The following TENM3 variants were observed in gnomAD, a reference collection of about 807,000 sequenced individuals.
TENM3 encodes the protein teneurin-3.
A neutral mutation model predicts 255.1 loss-of-function variants in TENM3; 63 were observed. The observed-to-expected ratio is 0.25, with a 90% CI of 0.20 to 0.30. The LOEUF is 0.30. Among genes scored for constraint, TENM3 ranks in the 10% least tolerant of loss-of-function variants. The pLI is 1.00. For synonymous variants in TENM3, 1,306 were observed against 1,322.3 expected, an observed-to-expected ratio of 0.99 and a Z score of 0.27; for missense variants, 2,929 against 3,461.1, an observed-to-expected ratio of 0.85 and a Z score of 3.86.
chr4:182,252,967 G>T (rs768395972), intron 1 of TENM3, among the ~76,000 whole-genome samples: 1 of 152,182 alleles, frequency 6.6e-6, no homozygotes. Flanking sequence ...AGGCCTCTCT[G>T]TATCAAAGGC....
intron 3 of TENM3, among the ~76,000 whole-genome samples, chr4:182,504,087 T>C (rs932452422): frequency 6.6e-6 from 1 of 152,118 alleles, no homozygotes. Flanking sequence ...GAGATGTTGG[T>C]TTTTGTTTAT....
the TENM3 span, among the ~76,000 whole-genome samples, chr4:181,946,743 T>A: frequency 3.3e-5 from 5 of 152,150 alleles, no homozygotes; most frequent in Non-Finnish European, 7.3e-5. Context: ...TCTAAATGAA[T>A]CATATTTTAT....
intron 1 of TENM3, among the ~76,000 whole-genome samples, chr4:182,315,349 A>C (rs751426733): frequency 1.8e-4 from 28 of 152,004 alleles, no homozygotes; most frequent in Non-Finnish European, 3.2e-4. Flanking sequence ...ATGTCCAAAA[A>C]GGTATTTATT....
chr4:181,804,849 G>A, the TENM3 span, among the ~76,000 whole-genome samples: 1 of 151,990 alleles, frequency 6.6e-6, no homozygotes, highest in South Asian at 2.1e-4. Context: ...TGTCTTTCTG[G>A]AGGAAAAAAA....
At chr4:182,559,095 C>CTTCT (rs1394084814) in intron 3 of TENM3, among the ~76,000 whole-genome samples, 1 of 130,470 alleles carries the variant, frequency 7.7e-6, no homozygotes, top group Non-Finnish European at 1.7e-5. Context: ...TTTCTGTTTT[C>CTTCT]TTCTTTCTTT....
chr4:182,033,997 A>G, the TENM3 span, among the ~76,000 whole-genome samples: 2 of 152,122 alleles, frequency 1.3e-5, no homozygotes, highest in Admixed American at 6.5e-5. Context: ...CAGACTGGGT[A>G]ATGTTTAAAG....
At chr4:181,752,711 C>A in the TENM3 span, among the ~76,000 whole-genome samples, 1 of 151,598 alleles carries the variant, frequency 6.6e-6, no homozygotes, top group African/African-American at 2.4e-5. Context: ...GCAGACAGCA[C>A]AGAACAGAAA....
At chr4:182,738,578 A>G in intron 18 of TENM3, 34 bp downstream of exon 18, 2 of 1,564,106 alleles carry the variant, frequency 1.3e-6, no homozygotes, top group Non-Finnish European at 1.7e-6. Context: ...TGATGTTGTA[A>G]TGTATTGTTC....
chr4:182,591,151 ATTCTAGGTGT>A (rs1746601437), intron 3 of TENM3, among the ~76,000 whole-genome samples: 1 of 152,140 alleles, frequency 6.6e-6, no homozygotes, highest in Non-Finnish European at 1.5e-5. Flanking sequence ...TAACCCAACA[ATTCTAGGTGT>A]TTTATATAGC....
At chr4:181,679,111 A>AGTCTT in the TENM3 span, among the ~76,000 whole-genome samples, 1 of 152,116 alleles carries the variant, frequency 6.6e-6, no homozygotes, top group East Asian at 1.9e-4. Flanking sequence ...ACAAAAGCTG[A>AGTCTT]GTCTTGGCCA....
chr4:182,123,491 T>A, the TENM3 span, among the ~76,000 whole-genome samples: 1 of 152,078 alleles, frequency 6.6e-6, no homozygotes, highest in African/African-American at 2.4e-5. Context: ...CTAAAGACAA[T>A]ATTCTTGTCT....
chr4:181,868,581 A>C, the TENM3 span, among the ~76,000 whole-genome samples: 1 of 152,198 alleles, frequency 6.6e-6, no homozygotes, highest in African/African-American at 2.4e-5. Flanking sequence ...TTAATAAATT[A>C]CAACTTGCCC....
chr4:181,802,373 G>A, the TENM3 span, among the ~76,000 whole-genome samples: 6 of 152,164 alleles, frequency 3.9e-5, no homozygotes, highest in Admixed American at 6.5e-5. Flanking sequence ...AATGGAATCC[G>A]CTGTAGCCCA....
At chr4:182,699,330 G>A (rs754642676) in intron 12 of TENM3, among the ~76,000 whole-genome samples, 1 of 152,200 alleles carries the variant, frequency 6.6e-6, no homozygotes, top group Non-Finnish European at 1.5e-5. Flanking sequence ...TTTTTGATAA[G>A]TTAGATGTCA....
chr4:181,866,772 C>T, the TENM3 span, among the ~76,000 whole-genome samples: 9 of 152,288 alleles, frequency 5.9e-5, no homozygotes, highest in South Asian at 1.9e-3. Context: ...TGAACACAGC[C>T]TCCTCCATAA....
At chr4:182,750,662 CAAATA>C (rs1170392347) in intron 19 of TENM3, among the ~76,000 whole-genome samples, 70 of 151,982 alleles carry the variant, frequency 4.6e-4, no homozygotes, top group South Asian at 8.3e-4. Flanking sequence ...TAGATGTTCA[CAAATA>C]AAATAAATGG....
At chr4:181,948,706 G>A in the TENM3 span, among the ~76,000 whole-genome samples, 5 of 152,102 alleles carry the variant, frequency 3.3e-5, no homozygotes, top group East Asian at 5.8e-4. Flanking sequence ...GTGAGCCACC[G>A]CGCCTGGCCG....
chr4:181,582,753 G>C, the TENM3 span, among the ~76,000 whole-genome samples: 1 of 151,964 alleles, frequency 6.6e-6, no homozygotes, highest in Non-Finnish European at 1.5e-5. Flanking sequence ...TAGCAGCCCA[G>C]GGTCATGGAG....
chr4:181,791,101 T>C, the TENM3 span, among the ~76,000 whole-genome samples: 1 of 152,142 alleles, frequency 6.6e-6, no homozygotes, highest in Admixed American at 6.6e-5. Flanking sequence ...GGAGTCAAAC[T>C]GGAATGAGCT....
Sources: allele counts gnomAD v4.1 joint callset (sites outside exome capture counted in the v4.1 genomes callset), GRCh38; gene constraint gnomAD v4.1.1; transcripts MANE v1.5; gene names NCBI Gene and HGNC (gene_info 2026-07-23, HGNC 2026-07-21).